Variants in GMDS observed in about 807,000 individuals in gnomAD.
GMDS encodes the protein GDP-mannose 4,6-dehydratase, also known as GDP-mannose 4,6 dehydratase.
GMDS carries 20 observed loss-of-function variants against 49.9 expected under a neutral mutation model. The observed-to-expected ratio is 0.40, with a 90% CI of 0.28 to 0.58. The LOEUF is 0.58. Ranked by LOEUF, GMDS falls within the 20% of genes least tolerant of loss-of-function variation. The pLI is 0.42. For synonymous variants in GMDS, 177 were observed against 178.6 expected (o/e 0.99, Z 0.07); for missense variants, 362 against 481.4 (o/e 0.75, Z 2.32).
At chr6:2,046,018 C>T (rs1769990286) in intron 4 of GMDS, among the ~76,000 whole-genome samples, 1 of 152,076 alleles carries the variant, frequency 6.6e-6, no homozygotes, top group Admixed American at 6.5e-5. Context: ...CAAGACCAGC[C>T]TAGGCAATAT....
At chr6:1,741,183 T>C (rs575132624) in intron 8 of GMDS, among the ~76,000 whole-genome samples, 2 of 152,332 alleles carry the variant, frequency 1.3e-5, no homozygotes, top group East Asian at 3.9e-4. Context: ...TTCTTTCTGG[T>C]GACAACATTA....
chr6:1,882,673 G>C (rs183540333), intron 7 of GMDS, among the ~76,000 whole-genome samples: 3 of 152,290 alleles, frequency 2.0e-5, no homozygotes, highest in Admixed American at 2.0e-4. Flanking sequence ...GTGAGCAAAA[G>C]GATCCAAACA....
At chr6:1,746,758 G>C (rs1220670966) in intron 7 of GMDS, among the ~76,000 whole-genome samples, 2 of 151,972 alleles carry the variant, frequency 1.3e-5, no homozygotes, top group Non-Finnish European at 2.9e-5. Context: ...CTGGAGTACA[G>C]TGGCACAATC....
rs1764830756 is a variant in GMDS, at chr6:1,682,787, T to C, written c.987+43629A>G. ...GGTTTCACCGTTTTAGCCGGGATGG[T>C]CTCGATCTCCTGACCTCGTGATCCG... On this transcript the variant is annotated intron_variant, in intron 9 of 10. Coordinates refer to ENST00000380815, the MANE Select transcript of GMDS (RefSeq NM_001500.4). 9.4e-4 allele frequency among the ~76,000 whole-genome samples: 3 copies of C among 3,186 alleles called. 1 individual carries two copies. Among genetic ancestry groups the C allele is most frequent in the Non-Finnish European group, 3.3e-3 (3 of 896 alleles). 2.1% of individuals were successfully genotyped at this position (3,186 alleles called of 152,430 possible). A position where few individuals can be genotyped will look rare whatever the true frequency, so the allele number is the denominator to read the frequency against.
chr6:1,738,754 G>A (rs571859577), intron 8 of GMDS, among the ~76,000 whole-genome samples: 80 of 152,270 alleles, frequency 5.3e-4, no homozygotes, highest in African/African-American at 1.9e-3. Context: ...ACATCTGGCT[G>A]TTCACCAAAT....
intron 7 of GMDS, among the ~76,000 whole-genome samples, chr6:1,804,152 C>T (rs1770067572): frequency 6.6e-6 from 1 of 152,230 alleles, no homozygotes; most frequent in African/African-American, 2.4e-5. Flanking sequence ...ATAAGATGCG[C>T]TGTTTCCTTT....
chr6:2,156,101 A>G (rs1033693129), intron 1 of GMDS, among the ~76,000 whole-genome samples: 21 of 152,298 alleles, frequency 1.4e-4, no homozygotes, highest in Admixed American at 1.1e-3. Context: ...AAATAGATGG[A>G]TAATATAGTG....
At chr6:2,105,616 G>C (rs1215570651) in intron 4 of GMDS, among the ~76,000 whole-genome samples, 1 of 152,216 alleles carries the variant, frequency 6.6e-6, no homozygotes, top group East Asian at 1.9e-4. Context: ...TACTAATAAT[G>C]TGGGTTGACA....
chr6:1,827,350 T>C (rs1771170910), intron 7 of GMDS, among the ~76,000 whole-genome samples: 1 of 130,184 alleles, frequency 7.7e-6, no homozygotes, highest in Non-Finnish European at 1.6e-5. Flanking sequence ...TATACACACG[T>C]TTTGGAAAAC....
intron 4 of GMDS, among the ~76,000 whole-genome samples, chr6:1,963,328 C>G (rs994907961): frequency 6.6e-6 from 1 of 152,190 alleles, no homozygotes; most frequent in Non-Finnish European, 1.5e-5. Context: ...GCTGGGAATA[C>G]AGGCATGTGG....
intron 7 of GMDS, among the ~76,000 whole-genome samples, chr6:1,924,936 C>T (rs1282724598): frequency 1.4e-5 from 2 of 144,808 alleles, no homozygotes; most frequent in East Asian, 2.1e-4. Context: ...CCAGCCCGGG[C>T]GACGGCGAGA....
chr6:2,223,055 T>C (rs1430636613), intron 1 of GMDS, among the ~76,000 whole-genome samples: 1 of 151,922 alleles, frequency 6.6e-6, no homozygotes, highest in Non-Finnish European at 1.5e-5. Context: ...GCCCTGCAAA[T>C]CTCAGACTTG....
At chr6:1,701,992 A>G (rs1345577057) in intron 9 of GMDS, among the ~76,000 whole-genome samples, 1 of 152,224 alleles carries the variant, frequency 6.6e-6, no homozygotes, top group Non-Finnish European at 1.5e-5. Flanking sequence ...GATGGCCAAC[A>G]TTTTTGCGAT....
At chr6:1,892,045 AG>A (rs1298476935) in intron 7 of GMDS, among the ~76,000 whole-genome samples, 8 of 152,224 alleles carry the variant, frequency 5.3e-5, no homozygotes, top group Non-Finnish European at 1.0e-4. Flanking sequence ...TGTTCTCTTA[AG>A]AAAAAAACTA....
chr6:1,629,155 A>C (rs1240799455), intron 9 of GMDS, among the ~76,000 whole-genome samples: 1 of 152,184 alleles, frequency 6.6e-6, no homozygotes, highest in Non-Finnish European at 1.5e-5. Flanking sequence ...CCCCCAGAAA[A>C]TTTGCAATAT....
chr6:1,815,089 A>G (rs1326568029), intron 7 of GMDS, among the ~76,000 whole-genome samples: 2 of 152,224 alleles, frequency 1.3e-5, no homozygotes, highest in Non-Finnish European at 1.5e-5. Context: ...CTGTGGGTTA[A>G]TCTCCCACGT....
intron 1 of GMDS, among the ~76,000 whole-genome samples, chr6:2,205,228 T>G (rs1470363845): frequency 6.6e-6 from 1 of 152,230 alleles, no homozygotes; most frequent in Non-Finnish European, 1.5e-5. Context: ...GTTGCAAAGC[T>G]GAAGCAATCA....
At chr6:2,141,966 T>A (rs760883757) in intron 1 of GMDS, among the ~76,000 whole-genome samples, 3 of 151,604 alleles carry the variant, frequency 2.0e-5, no homozygotes, top group Non-Finnish European at 4.4e-5. Flanking sequence ...TCCTATAGCA[T>A]ACATTTTGGT....
chr6:2,100,629 T>C (rs1358119827), intron 4 of GMDS, among the ~76,000 whole-genome samples: 2 of 151,926 alleles, frequency 1.3e-5, no homozygotes, highest in Non-Finnish European at 2.9e-5. Flanking sequence ...TGGAAGACTA[T>C]TAATAAAAAC....
Sources: gnomAD v4.1 joint callset for allele counts (sites outside exome capture counted in the v4.1 genomes callset) on GRCh38, gnomAD v4.1.1 for gene constraint, MANE v1.5 for transcripts, NCBI Gene and HGNC (gene_info 2026-07-23, HGNC 2026-07-21) for gene names.